The following CALCOCO1 variants were observed in gnomAD, a reference collection of about 807,000 sequenced individuals.
The protein encoded by CALCOCO1 is calcium-binding and coiled-coil domain-containing protein 1.
A neutral mutation model predicts 86.3 loss-of-function variants in CALCOCO1; 44 were observed. The observed-to-expected ratio is 0.51, with a 90% CI of 0.40 to 0.66. CALCOCO1 has a LOEUF of 0.66. Ranked by LOEUF, CALCOCO1 falls within the 30% of genes least tolerant of loss-of-function variation. The pLI, the probability that CALCOCO1 is intolerant of heterozygous loss-of-function variation, is 0.00. For synonymous variants in CALCOCO1, 297 were observed against 327.6 expected (o/e 0.91, Z 1.01); for missense variants, 708 against 851.1 (o/e 0.83, Z 2.09).
At chr12:53,727,194 A>AGGGGGCGCCCCC (rs1555166755) in intron 1 of CALCOCO1, among the ~76,000 whole-genome samples, 7 of 152,248 alleles carry the variant, frequency 4.6e-5, no homozygotes, top group East Asian at 3.9e-4. Context: ...GAGGACGACG[A>AGGGGGCGCCCCC]GGGGGCGCCC....
At position 53,715,963 on chromosome 12, in the gene CALCOCO1, C is replaced by T. The variant is rs1191200682; in HGVS notation, c.1090G>A (p.Glu364Lys). 3.1e-6 allele frequency: 5 copies of T among 1,614,026 alleles called. No individual in the cohort carries two copies. Among genetic ancestry groups the T allele is most frequent in the East Asian group, 4.5e-5 (2 of 44,894 alleles). ...SSQQKATLLG[E>K]ELASAAAARD... ...GCTGCTGCTGCACTGGCCAACTCCT[C>T]CCCAAGAAGGGTGGCTTTCTGCTGG... Residue 364 changes from glutamate (E) to lysine (K), a missense_variant, in exon 9 of 15, where the codon GAG becomes AAG. Coordinates refer to ENST00000550804, the MANE Select transcript of CALCOCO1 (RefSeq NM_020898.3).
intron 8 of CALCOCO1, 25 bp downstream of exon 8, chr12:53,716,235 C>T (rs368146100): frequency 6.2e-7 from 1 of 1,611,830 alleles, no homozygotes; most frequent in Non-Finnish European, 8.5e-7. Flanking sequence ...TTTCCCGTTT[C>T]CTGTTGCCAA....
intron 4 of CALCOCO1, 78 bp from the exon 5 acceptor site, chr12:53,722,261 T>C: frequency 6.4e-7 from 1 of 1,558,410 alleles, no homozygotes; most frequent in Non-Finnish European, 8.7e-7. Context: ...ACTCTCCAGG[T>C]GCATTTTGGG....
chr12:53,714,291 A>C, intron 11 of CALCOCO1, 50 bp from the exon 12 acceptor site: 1 of 1,395,542 alleles, frequency 7.2e-7, no homozygotes, highest in South Asian at 1.2e-5. Context: ...GAAGGTGCCA[A>C]CCTTGCTAGC....
At position 53,719,793 on chromosome 12, in the gene CALCOCO1, T is replaced by C; in HGVS notation, c.795A>G (p.Gln265=). The change falls in exon 7 of 15, where the codon CAA becomes CAG. Residue 265 remains glutamine (Q), a synonymous_variant. Transcript: ENST00000550804. The part of the protein sequence containing the change: ...RDTVKALTRE[Q]EKLLGQLKEV... ...CTTTCAGTTGCCCAAGGAGCTTCTCTTGTTCCCGAGTCAGGGCCTTCACTG... is the reference window on the plus strand; with the variant it reads ...CTTTCAGTTGCCCAAGGAGCTTCTCCTGTTCCCGAGTCAGGGCCTTCACTG... 1 of 1,613,934 alleles carries C rather than the reference T, an allele frequency of 6.2e-7. No individual in the cohort carries two copies. Among genetic ancestry groups the C allele is most frequent in the South Asian group, 1.1e-5 (1 of 91,074 alleles).
At position 53,716,279 on chromosome 12, in the gene CALCOCO1, C is replaced by T. The variant is rs199990122; in HGVS notation, c.986G>A (p.Gly329Asp). Residue 329 changes from glycine (G) to aspartate (D), a missense_variant, in exon 8 of 15, where the codon GGC (glycine) becomes GAC (aspartate). By Grantham distance (94) the Gly-to-Asp change is moderately conservative. Transcript: ENST00000550804. Reference protein sequence around the residue: ...DKVAQMKDTLGQAQQRVAELE... With the variant: ...DKVAQMKDTLDQAQQRVAELE... ...ACTCACCACCCGCTGCTGGGCCTGGCCTAGGGTGTCCTTCATCTGGGCCAC... is the reference window on the plus strand; with the variant it reads ...ACTCACCACCCGCTGCTGGGCCTGGTCTAGGGTGTCCTTCATCTGGGCCAC... 5.6e-6 allele frequency: 9 copies of T among 1,613,926 alleles called. No homozygotes were observed. In the African/African-American group the frequency reaches 8.0e-5, roughly 14 times the overall value.
At chr12:53,715,764 A>C (rs776249526) in intron 9 of CALCOCO1, 29 bp downstream of exon 9, 1 of 1,605,796 alleles carries the variant, frequency 6.2e-7, no homozygotes, top group Admixed American at 1.7e-5. Context: ...AGTGGCCATC[A>C]GATTGCCAGG....
At position 53,715,221 on chromosome 12, in the gene CALCOCO1, G is replaced by C. The variant is rs750540772; in HGVS notation, c.1365C>G (p.Ala455=). 6 of 1,614,048 alleles carry C rather than the reference G, an allele frequency of 3.7e-6. No individual in the cohort carries two copies. Among genetic ancestry groups the C allele is most frequent in the Non-Finnish European group, 4.2e-6 (5 of 1,180,010 alleles). The change falls in exon 10 of 15, where the codon GCC becomes GCG. Residue 455 remains alanine (A), a synonymous_variant. Transcript: ENST00000550804. ...TCACCAGGCTAGAATCCTTCTCCCG[G>C]GCCAGCTCAGTCTTGAACACTTGGT... ...TQNQVFKTEL[A]REKDSSLVQL...
chr12:53,714,829 A>T lies in CALCOCO1; in HGVS notation c.1387-136T>A, dbSNP rs553565528. ...CTTCCCTGCTCTGACACACACACAC[A>T]GGAATTCCCAACACTTCCTCCATGA... On this transcript the variant is annotated intron_variant, in intron 10 of 14. Coordinates refer to ENST00000550804, the MANE Select transcript of CALCOCO1 (RefSeq NM_020898.3). 226 of 634,818 alleles carry T rather than the reference A, an allele frequency of 3.6e-4. 3 individuals are homozygous for T. The South Asian group carries it at 4.0e-3, about 11-fold the overall frequency. 39.3% of individuals were successfully genotyped at this position (634,818 alleles called of 1,614,324 possible).
Position 53,725,283 on chromosome 12 carries a change from T to C in CALCOCO1, c.-24-17A>G, listed in dbSNP as rs1244647651. Reference sequence around the variant, plus strand: ...TCTGTCCTCCTATGAAAGAAAGGGTTGATAGCCTAAAGTCTTTCCAGTCCA... The same window carrying C: ...TCTGTCCTCCTATGAAAGAAAGGGTCGATAGCCTAAAGTCTTTCCAGTCCA... On this transcript the variant is annotated splice_polypyrimidine_tract_variant and intron_variant, in intron 1 of 14. Transcript: ENST00000550804. The C allele has an allele frequency of 3.9e-6, 6 of 1,529,812 alleles. No homozygotes were observed. The highest frequency in any genetic ancestry group is 4.4e-6 in the Non-Finnish European group (5 of 1,136,144). 94.8% of individuals were successfully genotyped at this position (1,529,812 alleles called of 1,614,324 possible). A position where few individuals can be genotyped will look rare whatever the true frequency, so the allele number is the denominator to read the frequency against.
At chr12:53,721,944 C>G in intron 5 of CALCOCO1, 81 bp downstream of exon 5, 1 of 1,519,356 alleles carries the variant, frequency 6.6e-7, no homozygotes, top group Non-Finnish European at 9.1e-7. Context: ...TAACATCTCT[C>G]CTTCACCCTC....
chr12:53,711,026 C>T lies in CALCOCO1; in HGVS notation c.*918G>A, dbSNP rs1945536773. On this transcript the variant is annotated 3_prime_UTR_variant, in exon 15 of 15. Transcript: ENST00000550804. ...AGGCAGGGATGCGTCCCCTCTTTCC[C>T]TCCTCCCTCCACCAGGGTCTAAGAG... The T allele has an allele frequency of 2.7e-6, 1 of 370,440 alleles. No homozygotes were observed. Among genetic ancestry groups the T allele is most frequent in the Non-Finnish European group, 4.8e-6 (1 of 208,538 alleles). 22.9% of individuals were successfully genotyped at this position (370,440 alleles called of 1,614,324 possible).
At chr12:53,717,926 G>C (rs373274027) in intron 7 of CALCOCO1, among the ~76,000 whole-genome samples, 7 of 152,194 alleles carry the variant, frequency 4.6e-5, no homozygotes, top group Middle Eastern at 3.2e-3. Context: ...TCAGGAGGCT[G>C]AGACAGAAGA....
rs558991614 is a variant in CALCOCO1 at position 53,724,530 on chromosome 12, C to T, written c.259+115G>A. On this transcript the variant is annotated intron_variant, in intron 3 of 14. Transcript: ENST00000550804. Reference sequence around the variant, plus strand: ...GATATATTCTCATTATATTTATTTTCGTTTATTTTTCCTTGTCCTTTGTGC... The same window carrying T: ...GATATATTCTCATTATATTTATTTTTGTTTATTTTTCCTTGTCCTTTGTGC... The T allele has an allele frequency of 5.9e-3, 4,461 of 749,976 alleles. 156 individuals carry two copies. In the South Asian group the frequency reaches 0.063, roughly 11 times the overall value. 46.5% of individuals were successfully genotyped at this position (749,976 alleles called of 1,614,324 possible).
intron 6 of CALCOCO1, among the ~76,000 whole-genome samples, chr12:53,721,061 C>T (rs1424091812): frequency 3.3e-5 from 5 of 152,190 alleles, no homozygotes; most frequent in Non-Finnish European, 7.3e-5. Context: ...GGCAGAGATT[C>T]CATAACATTC....
intron 4 of CALCOCO1, among the ~76,000 whole-genome samples, chr12:53,722,403 C>T (rs1295609166): frequency 1.3e-5 from 2 of 152,180 alleles, no homozygotes; most frequent in Non-Finnish European, 2.9e-5. Context: ...TCTCTTACCC[C>T]TCCCCACTCT....
intron 4 of CALCOCO1, 61 bp from the exon 5 acceptor site, chr12:53,722,244 C>A: frequency 6.3e-7 from 1 of 1,586,444 alleles, no homozygotes; most frequent in Non-Finnish European, 8.6e-7. Context: ...AAGGTCCCAT[C>A]CTCACCACTC....
In CALCOCO1 at chr12:53,724,600, C is replaced by T. The variant is rs754993011; in HGVS notation, c.259+45G>A. The stretch of plus-strand genomic sequence containing the variant: ...AGCCCACTACCTTCTTTCAAACCTC[C>T]ACTCCCTTGGCTCCTCTCTCCCAAT... On this transcript the variant is annotated intron_variant, in intron 3 of 14. Coordinates refer to ENST00000550804, the MANE Select transcript of CALCOCO1 (RefSeq NM_020898.3). The T allele has an allele frequency of 9.0e-6, 13 of 1,440,314 alleles. No individual in the cohort carries two copies. In the South Asian group the frequency reaches 9.3e-5, roughly 10 times the overall value. The allele number at this position is 1,440,314 out of a possible 1,614,324, so 89.2% of individuals were successfully genotyped here.
Position 53,711,117 on chromosome 12 carries a change from A to G in CALCOCO1, c.*827T>C. 1 of 396,476 alleles carries G rather than the reference A, an allele frequency of 2.5e-6. No homozygotes were observed. Among genetic ancestry groups the G allele is most frequent in the Non-Finnish European group, 4.5e-6 (1 of 224,394 alleles). The allele number at this position is 396,476 out of a possible 1,614,324, so 24.6% of individuals were successfully genotyped here. On this transcript the variant is annotated 3_prime_UTR_variant, in exon 15 of 15. Coordinates refer to ENST00000550804, the MANE Select transcript of CALCOCO1 (RefSeq NM_020898.3). ...AAGAACACATTTTGTGACAACAGTCATACATATCATATAAATATATTTGTT... is the reference window on the plus strand; with the variant it reads ...AAGAACACATTTTGTGACAACAGTCGTACATATCATATAAATATATTTGTT...
Sources: allele counts gnomAD v4.1 joint callset (sites outside exome capture counted in the v4.1 genomes callset), GRCh38; gene constraint gnomAD v4.1.1; transcripts MANE v1.5; gene names NCBI Gene and HGNC (gene_info 2026-07-23, HGNC 2026-07-21).